The following PLCG2 variants were observed in gnomAD, a reference collection of about 807,000 sequenced individuals.
PLCG2 encodes the protein phospholipase C gamma 2, also known as 1-phosphatidylinositol 4,5-bisphosphate phosphodiesterase gamma-2.
In PLCG2, 69 loss-of-function variants were observed where a neutral mutation model predicts 175.6. The ratio of observed to expected loss-of-function variants is 0.39; its 90% CI spans 0.32 to 0.48. The LOEUF is 0.48. PLCG2 is among the 20% of genes least tolerant of loss of function. The probability of loss-of-function intolerance (pLI) is 0.91; values close to 1 mark genes in which losing one functional copy is unlikely to be tolerated. For missense variants in PLCG2, 1,798 were observed against 1,650.9 expected, an observed-to-expected ratio of 1.09 and a Z score of -1.54; for synonymous variants, 827 against 624.0, an observed-to-expected ratio of 1.33 and a Z score of -4.85.
In PLCG2 at chr16:81,960,269, C is replaced by T. The variant is rs1028405896; in HGVS notation, c.*2271C>T. Reference sequence around the variant, plus strand: ...ATGGTATGATGGCTCTTCCCAGAGTCTATGTGATGCTACATAACTTCAGTA... The same window carrying T: ...ATGGTATGATGGCTCTTCCCAGAGTTTATGTGATGCTACATAACTTCAGTA... On this transcript the variant is annotated 3_prime_UTR_variant, in exon 33 of 33. Coordinates refer to ENST00000564138, the MANE Select transcript of PLCG2 (RefSeq NM_002661.5). The T allele has an allele frequency of 4.5e-6, 1 of 220,470 alleles. No homozygotes were observed. The highest frequency in any genetic ancestry group is 9.1e-6 in the Non-Finnish European group (1 of 110,180). 13.7% of individuals were successfully genotyped at this position (220,470 alleles called of 1,614,324 possible).
chr16:81,781,938 C>A (rs906719606), intron 1 of PLCG2, among the ~76,000 whole-genome samples: 85 of 150,770 alleles, frequency 5.6e-4, no homozygotes, highest in African/African-American at 1.9e-3. Context: ...GTGGCGCGAT[C>A]TCGGCTCACT....
At chr16:81,855,621 C>G (rs1383729693) in intron 3 of PLCG2, among the ~76,000 whole-genome samples, 2 of 152,194 alleles carry the variant, frequency 1.3e-5, no homozygotes, top group South Asian at 2.1e-4. Flanking sequence ...TTAAGAAGCT[C>G]TCAGTCGACT....
At chr16:81,824,335 C>A (rs1361799320) in intron 2 of PLCG2, among the ~76,000 whole-genome samples, 1 of 152,002 alleles carries the variant, frequency 6.6e-6, no homozygotes, top group Admixed American at 6.6e-5. Context: ...GGTTTCACCA[C>A]GTTGGCCAGG....
At chr16:81,939,041 G>T in intron 29 of PLCG2, 126 bp downstream of exon 29, 2 of 642,902 alleles carry the variant, frequency 3.1e-6, no homozygotes, top group South Asian at 3.7e-5. Context: ...CCTCCCTCTT[G>T]CCCACATGGT....
intron 9 of PLCG2, among the ~76,000 whole-genome samples, chr16:81,887,118 G>GTT (rs59300746): frequency 1.4e-4 from 20 of 141,606 alleles, no homozygotes; most frequent in African/African-American, 4.4e-4. Flanking sequence ...AGGCAAAGTT[G>GTT]TTTTTTTTTT....
chr16:81,898,948 G>C (rs564590016), intron 13 of PLCG2, among the ~76,000 whole-genome samples: 117 of 150,992 alleles, frequency 7.7e-4, no homozygotes, highest in African/African-American at 2.7e-3. Flanking sequence ...ACTTTCGGAG[G>C]CTGAGGCGGG....
At position 81,888,995 on chromosome 16, in the gene PLCG2, T is replaced by A. The variant is rs115856729; in HGVS notation, c.766-177T>A. Among the ~76,000 whole-genome samples the A allele has an allele frequency of 8.1e-3, 1,231 of 152,226 alleles. 19 individuals are homozygous for A. Among genetic ancestry groups the A allele is most frequent in the African/African-American group, 0.028 (1,178 of 41,534 alleles). On this transcript the variant is annotated intron_variant, in intron 9 of 32. Transcript: ENST00000564138. ...CTGGCTCTCTGCAGAGAACATTTGC[T>A]GACCCCTGGCAGAGGGCCATGTGCA...
chr16:81,800,028 A>C (rs1178955988), intron 2 of PLCG2, among the ~76,000 whole-genome samples: 1 of 152,248 alleles, frequency 6.6e-6, no homozygotes, highest in Non-Finnish European at 1.5e-5. Flanking sequence ...ATTTGTGGCC[A>C]TGGACAAGTT....
intron 12 of PLCG2, 163 bp from the exon 13 acceptor site, chr16:81,895,644 A>G: frequency 1.5e-6 from 1 of 673,352 alleles, no homozygotes. Context: ...GCGCACAGGG[A>G]ACCCTGCGGA....
At chr16:81,866,038 C>T (rs1597362387) in intron 5 of PLCG2, among the ~76,000 whole-genome samples, 1 of 133,988 alleles carries the variant, frequency 7.5e-6, no homozygotes, top group South Asian at 2.5e-4. Context: ...CACTGGGGCA[C>T]CAGCATGAGA....
chr16:81,832,558 T>TTG (rs139075792), intron 2 of PLCG2, among the ~76,000 whole-genome samples: 13,258 of 151,818 alleles, frequency 0.087, 641 homozygotes, highest in Middle Eastern at 0.15. Flanking sequence ...CCCAGCTAAT[T>TTG]TGTGTGTGTG....
intron 1 of PLCG2, among the ~76,000 whole-genome samples, chr16:81,741,956 T>C (rs1050064224): frequency 2.6e-5 from 4 of 152,178 alleles, no homozygotes; most frequent in African/African-American, 9.7e-5. Flanking sequence ...CACCCTACAG[T>C]GATGCAGAAC....
At chr16:81,867,245 A>T (rs1221419553) in intron 5 of PLCG2, among the ~76,000 whole-genome samples, 1 of 152,208 alleles carries the variant, frequency 6.6e-6, no homozygotes, top group Non-Finnish European at 1.5e-5. Context: ...CAGGGAAACT[A>T]GGTGGTTTTC....
chr16:81,824,974 T>C (rs1904980869), intron 2 of PLCG2, among the ~76,000 whole-genome samples: 1 of 152,206 alleles, frequency 6.6e-6, no homozygotes, highest in African/African-American at 2.4e-5. Flanking sequence ...AGAGCAGGAT[T>C]CTGGCTTTGA....
At position 81,858,121 on chromosome 16, in the gene PLCG2, G is replaced by A. The variant is rs568002959; in HGVS notation, c.338-142G>A. On this transcript the variant is annotated intron_variant, in intron 3 of 32. Transcript: ENST00000564138. ...GTCCTAGGGCCATGACGGTGTGAAA[G>A]GGGATGCTTTCTTTGCCTTCTGCAA... The A allele has an allele frequency of 4.8e-5, 33 of 686,022 alleles. No homozygotes were observed. In the South Asian group the frequency reaches 5.4e-4, roughly 11 times the overall value. 42.5% of individuals were successfully genotyped at this position (686,022 alleles called of 1,614,324 possible).
chr16:81,840,374 G>A (rs1382921147), intron 2 of PLCG2, among the ~76,000 whole-genome samples: 2 of 152,152 alleles, frequency 1.3e-5, no homozygotes, highest in Admixed American at 1.3e-4. Context: ...GATTGGCCTG[G>A]GGGGATAGTG....
intron 31 of PLCG2, among the ~76,000 whole-genome samples, chr16:81,952,046 G>A (rs1264071554): frequency 6.6e-6 from 1 of 151,962 alleles, no homozygotes; most frequent in African/African-American, 2.4e-5. Flanking sequence ...GTGGGAGGAA[G>A]GGACAAATGG....
intron 28 of PLCG2, chr16:81,938,587 G>A (rs1044928090): frequency 1.1e-5 from 6 of 566,826 alleles, no homozygotes; most frequent in Middle Eastern, 9.3e-4. Context: ...GGCATATGGG[G>A]CCGAGACCCA....
intron 7 of PLCG2, among the ~76,000 whole-genome samples, chr16:81,874,932 A>G (rs549844000): frequency 2.9e-4 from 35 of 121,616 alleles, no homozygotes; most frequent in African/African-American, 1.1e-3. Context: ...ACTATTTGCT[A>G]GGCACTATCC....
Sources: allele counts gnomAD v4.1 joint callset (sites outside exome capture counted in the v4.1 genomes callset), GRCh38; gene constraint gnomAD v4.1.1; transcripts MANE v1.5; gene names NCBI Gene and HGNC (gene_info 2026-07-23, HGNC 2026-07-21).